Variants in ETHE1 observed in about 807,000 individuals in gnomAD.
The protein encoded by ETHE1 is ETHE1 persulfide dioxygenase.
ETHE1 carries 16 observed loss-of-function variants against 25.7 expected under a neutral mutation model. That is an observed-to-expected ratio of 0.62 (90% CI 0.42 to 0.95). The LOEUF (loss-of-function observed/expected upper bound fraction) is 0.95. ETHE1 is among the 40% of genes least tolerant of loss of function. The pLI is 0.00. For synonymous variants in ETHE1, 139 were observed against 135.9 expected (o/e 1.02, Z -0.16); for missense variants, 300 against 333.6 (o/e 0.90, Z 0.79).
At chr19:43,516,642 G>A (rs1348732304) in intron 3 of ETHE1, among the ~76,000 whole-genome samples, 3 of 13,178 alleles carry the variant, frequency 2.3e-4, no homozygotes, top group Non-Finnish European at 3.3e-4. Context: ...TTTTTTTTTT[G>A]AGATAGAGTC....
At chr19:43,515,701 A>G (rs1427582118) in intron 3 of ETHE1, among the ~76,000 whole-genome samples, 3 of 151,988 alleles carry the variant, frequency 2.0e-5, no homozygotes, top group African/African-American at 7.2e-5. Flanking sequence ...CAGCCTCTCA[A>G]GTAGCTAGGG....
Position 43,525,749 on chromosome 19 carries a change from G to A in ETHE1, c.375+452C>T, listed in dbSNP as rs138706592. 235 of 239,754 alleles carry A rather than the reference G, an allele frequency of 9.8e-4. 1 individual carries two copies. Among genetic ancestry groups the A allele is most frequent in the Middle Eastern group, 1.7e-3 (1 of 578 alleles). 14.9% of individuals were successfully genotyped at this position (239,754 alleles called of 1,614,324 possible). Reference sequence around the variant, plus strand: ...CCTGAGAGCGAGTGCCTCCTTAAATGTTGCACTCCAGGGTCCTCACCGTCC... The same window carrying A: ...CCTGAGAGCGAGTGCCTCCTTAAATATTGCACTCCAGGGTCCTCACCGTCC... On this transcript the variant is annotated intron_variant, in intron 3 of 6. Transcript: ENST00000292147.
intron 4 of ETHE1, 74 bp from the exon 5 acceptor site, chr19:43,508,938 TAGG>T (rs1487749989): frequency 3.5e-6 from 4 of 1,150,904 alleles, no homozygotes; most frequent in Non-Finnish European, 5.1e-6. Flanking sequence ...AAGAAAAGGG[TAGG>T]AGGATAAAAT....
At chr19:43,517,949 C>CAAA (rs71169251) in intron 3 of ETHE1, among the ~76,000 whole-genome samples, 32 of 105,092 alleles carry the variant, frequency 3.0e-4, no homozygotes, top group South Asian at 9.1e-4. Context: ...CACTCCGTCT[C>CAAA]AAAAAAAAAA....
chr19:43,520,032 C>T (rs998244879), intron 3 of ETHE1, among the ~76,000 whole-genome samples: 8 of 143,736 alleles, frequency 5.6e-5, no homozygotes, highest in Non-Finnish European at 1.2e-4. Context: ...GACAACATAG[C>T]GAGACCCCCA....
intron 3 of ETHE1, among the ~76,000 whole-genome samples, chr19:43,515,381 C>T (rs1203915246): frequency 4.2e-5 from 6 of 144,340 alleles, no homozygotes; most frequent in Non-Finnish European, 7.5e-5. Flanking sequence ...TGCACCATCA[C>T]ACTCCAGCCT....
intron 3 of ETHE1, chr19:43,525,839 G>A (rs1252196701): frequency 9.1e-6 from 3 of 331,158 alleles, no homozygotes; most frequent in South Asian, 2.8e-5. Flanking sequence ...GGAGGTTTCC[G>A]CAAGACAGGA....
chr19:43,524,513 T>C (rs970801475), intron 3 of ETHE1, among the ~76,000 whole-genome samples: 14 of 152,150 alleles, frequency 9.2e-5, no homozygotes, highest in Middle Eastern at 3.4e-3. Flanking sequence ...ATGGTAGTAA[T>C]GGATGTACAA....
rs557741336 is a variant in ETHE1, at chr19:43,506,725, TAAAA to T, written c.*121_*124del. 4 of 939,434 alleles carry T rather than the reference TAAAA, an allele frequency of 4.3e-6. No homozygotes were observed. The highest frequency in any genetic ancestry group is 3.8e-5 in the Admixed American group (2 of 52,696). The allele number at this position is 939,434 out of a possible 1,614,324, so 58.2% of individuals were successfully genotyped here. Reference sequence around the variant, plus strand: ...AAATAGGTAGAAGTCAGACTCACGTTAAAAAAAGTTTTATTTAGGGAGCTCCAGG... The same window carrying T: ...AAATAGGTAGAAGTCAGACTCACGTTAAAGTTTTATTTAGGGAGCTCCAGG... On this transcript the variant is annotated 3_prime_UTR_variant, in exon 7 of 7. Transcript: ENST00000292147.
intron 3 of ETHE1, among the ~76,000 whole-genome samples, chr19:43,524,386 A>G (rs980915090): frequency 6.9e-6 from 1 of 145,546 alleles, no homozygotes. Flanking sequence ...CCCTGTCTCA[A>G]ATTAAAAAAA....
At chr19:43,510,486 C>T (rs993816864) in intron 4 of ETHE1, among the ~76,000 whole-genome samples, 3 of 151,930 alleles carry the variant, frequency 2.0e-5, no homozygotes, top group Non-Finnish European at 2.9e-5. Flanking sequence ...AGGCACCCAC[C>T]ACCATGGCCA....
chr19:43,511,315 A>G, intron 4 of ETHE1, 122 bp downstream of exon 4: 1 of 1,478,858 alleles, frequency 6.8e-7, no homozygotes, highest in Non-Finnish European at 9.3e-7. Context: ...AACTCCTTGA[A>G]TTTAATACTG....
chr19:43,520,981 T>G (rs778821365), intron 3 of ETHE1, among the ~76,000 whole-genome samples: 2 of 152,036 alleles, frequency 1.3e-5, no homozygotes, highest in Admixed American at 6.6e-5. Flanking sequence ...AACCTAACTT[T>G]CTGATTCGGC....
intron 5 of ETHE1, 148 bp from the exon 6 acceptor site, chr19:43,508,208 T>C: frequency 7.6e-7 from 1 of 1,312,248 alleles, no homozygotes; most frequent in Non-Finnish European, 1.0e-6. Flanking sequence ...CCATGGACAC[T>C]ATGGGAAATT....
chr19:43,527,144 G>T lies in ETHE1; in HGVS notation c.34C>A (p.Gln12Lys). The T allele has an allele frequency of 6.5e-7, 1 of 1,548,612 alleles. No individual in the cohort carries two copies. Among genetic ancestry groups the T allele is most frequent in the South Asian group, 1.2e-5 (1 of 84,674 alleles). The change falls in exon 1 of 7, where the codon CAG (glutamine) becomes AAG (lysine). Residue 12 changes from glutamine (Q) to lysine (K), a missense_variant. Physicochemically the swap from Gln to Lys is moderately conservative, Grantham distance 53 (BLOSUM62 1). Transcript: ENST00000292147. ...AEAVLRVARRQLSQRGGSGAP... is the reference protein window; with the variant it reads ...AEAVLRVARRKLSQRGGSGAP... ...CCAGACCCGCCGCGCTGGCTCAGCT[G>T]CCGCCGGGCGACCCTCAGTACAGCC...
rs2146018933 is a variant in ETHE1 at position 43,526,286 on chromosome 19, C to A, written c.290G>T (p.Gly97Val). 1 of 1,614,118 alleles carries A rather than the reference C, an allele frequency of 6.2e-7. No homozygotes were observed. The highest frequency in any genetic ancestry group is 1.6e-4 in the Middle Eastern group (1 of 6,062). ...AAGGCGGGAGATGACAGACTGGCAG[C>A]CAGGGAGGAGGGAACGGAGCAGCCC... ...GSGLLRSLLP[G>V]CQSVISRLSG... The change falls in exon 3 of 7, where the codon GGC (glycine) becomes GTC (valine). Residue 97 changes from glycine (G) to valine (V), a missense_variant. Gly to Val is a moderately radical substitution (Grantham distance 109). Coordinates refer to ENST00000292147, the MANE Select transcript of ETHE1 (RefSeq NM_014297.5).
intron 3 of ETHE1, among the ~76,000 whole-genome samples, chr19:43,519,245 C>T (rs1600006666): frequency 1.3e-5 from 2 of 151,972 alleles, no homozygotes; most frequent in East Asian, 1.9e-4. Context: ...CTCCTGACCT[C>T]GGGTGATCCG....
chr19:43,517,944 C>T (rs1427292647), intron 3 of ETHE1, among the ~76,000 whole-genome samples: 1 of 139,382 alleles, frequency 7.2e-6, no homozygotes, highest in Non-Finnish European at 1.6e-5. Flanking sequence ...AGCAACACTC[C>T]GTCTCAAAAA....
intron 3 of ETHE1, among the ~76,000 whole-genome samples, chr19:43,519,441 G>C (rs1301827525): frequency 6.6e-6 from 1 of 152,118 alleles, no homozygotes; most frequent in African/African-American, 2.4e-5. Flanking sequence ...CCTGAAACTT[G>C]TCGAGTGATT....
Sources: allele counts gnomAD v4.1 joint callset (sites outside exome capture counted in the v4.1 genomes callset), GRCh38; gene constraint gnomAD v4.1.1; transcripts MANE v1.5; gene names NCBI Gene and HGNC (gene_info 2026-07-23, HGNC 2026-07-21).